WASHC2C: variants seen among roughly 807,000 people sequenced by gnomAD.
WASHC2C encodes Vaccinia Penetration Factor.
A neutral mutation model predicts 142.2 loss-of-function variants in WASHC2C; 73 were observed. The ratio of observed to expected loss-of-function variants is 0.51; its 90% CI spans 0.43 to 0.62. The LOEUF (loss-of-function observed/expected upper bound fraction) is 0.62. Among genes scored for constraint, WASHC2C ranks in the 20% least tolerant of loss-of-function variants. The pLI is 0.00. For missense variants in WASHC2C, 969 were observed against 1,531.7 expected, an observed-to-expected ratio of 0.63 and a Z score of 6.13; for synonymous variants, 337 against 565.5, an observed-to-expected ratio of 0.60 and a Z score of 5.73.
rs368876575 is a variant in WASHC2C at position 45,737,280 on chromosome 10, A to G, written c.292-703A>G. 4.7e-4 allele frequency among the ~76,000 whole-genome samples: 62 copies of G among 131,752 alleles called. 1 individual carries two copies. In the East Asian group the frequency reaches 7.9e-3, roughly 17 times the overall value. The allele number at this position is 131,752 out of a possible 152,430, so 86.4% of individuals were successfully genotyped here. A position where few individuals can be genotyped will look rare whatever the true frequency, so the allele number is the denominator to read the frequency against. ...AGGCGTGAGCCACCGCACCTGGCCT[A>G]TATTGACTTTTTATAACAAGCATGT... On this transcript the variant is annotated intron_variant, in intron 3 of 30. Transcript: ENST00000623400.
chr10:45,762,978 A>C (rs1312215246), intron 17 of WASHC2C, among the ~76,000 whole-genome samples: 1 of 151,922 alleles, frequency 6.6e-6, no homozygotes, highest in Non-Finnish European at 1.5e-5. Flanking sequence ...TTGTAGCTCC[A>C]TTAATTTGGG....
chr10:45,787,327 A>C, intron 28 of WASHC2C, 80 bp downstream of exon 28: 1 of 1,173,046 alleles, frequency 8.5e-7, no homozygotes, highest in East Asian at 2.5e-5. Flanking sequence ...TATCAGTTGC[A>C]TACACAGCAG....
rs782019101 is a variant in WASHC2C at position 45,737,989 on chromosome 10, T to C, written c.298T>C (p.Tyr100His). 14 of 1,611,610 alleles carry C rather than the reference T, an allele frequency of 8.7e-6. No homozygotes were observed. In the South Asian group the frequency reaches 1.5e-4, roughly 18 times the overall value. Residue 100 changes from tyrosine (Y) to histidine (H), a missense_variant, in exon 4 of 31, where the codon TAT becomes CAT. By Grantham distance (83) the Tyr-to-His change is moderately conservative. Coordinates refer to ENST00000623400, the MANE Select transcript of WASHC2C (RefSeq NM_001330074.2). ...SNTQFIENRV[Y>H]DEEVEEPVLK... ...AGTTTGCTTCCATATTTAGCGTGTATATGATGAAGAAGTGGAGGAGCCAGT... is the reference window on the plus strand; with the variant it reads ...AGTTTGCTTCCATATTTAGCGTGTACATGATGAAGAAGTGGAGGAGCCAGT...
intron 3 of WASHC2C, among the ~76,000 whole-genome samples, chr10:45,736,405 CAAAAAAAAAAAAAAA>C (rs71520974): frequency 1.1e-3 from 27 of 24,566 alleles, no homozygotes; most frequent in Non-Finnish European, 1.5e-3. Context: ...GACTCCATCT[CAAAAAAAAAAAAAAA>C]AAAAAAAAAA....
intron 5 of WASHC2C, among the ~76,000 whole-genome samples, chr10:45,740,774 C>T (rs2051916457): frequency 6.6e-6 from 1 of 152,208 alleles, no homozygotes; most frequent in African/African-American, 2.4e-5. Flanking sequence ...GTCCAGGCTC[C>T]CTCATAGCCT....
At position 45,754,767 on chromosome 10, in the gene WASHC2C, C is replaced by T. The variant is rs1340872025; in HGVS notation, c.1241-169C>T. Among the ~76,000 whole-genome samples the T allele has an allele frequency of 2.0e-5, 3 of 152,100 alleles. No homozygotes were observed. The East Asian group carries it at 5.8e-4, about 29-fold the overall frequency. ...TGTGTTTGAGCGACCTGGTGATTCT[C>T]CGTTGTGAGATGTTCTGTAGCAGTA... On this transcript the variant is annotated intron_variant, in intron 14 of 30. Coordinates refer to ENST00000623400, the MANE Select transcript of WASHC2C (RefSeq NM_001330074.2).
At chr10:45,748,091 A>G (rs1392504189) in intron 8 of WASHC2C, among the ~76,000 whole-genome samples, 4 of 126,128 alleles carry the variant, frequency 3.2e-5, no homozygotes, top group African/African-American at 6.3e-5. Flanking sequence ...TTAACTGGGA[A>G]ATATTTTTTT....
At chr10:45,732,956 C>G in intron 3 of WASHC2C, among the ~76,000 whole-genome samples, 1 of 152,274 alleles carries the variant, frequency 6.6e-6, no homozygotes, top group Non-Finnish European at 1.5e-5. Context: ...CCTAGACCTG[C>G]TTTATTTTAC....
chr10:45,729,097 G>A, intron 3 of WASHC2C, 71 bp downstream of exon 3: 14 of 1,448,116 alleles, frequency 9.7e-6, no homozygotes, highest in Admixed American at 2.3e-5. Flanking sequence ...ATAACTTACT[G>A]TTAGGTTCCC....
At chr10:45,727,347 C>T (rs1438246054) in intron 1 of WASHC2C, 27 bp downstream of exon 1, 73 of 1,595,734 alleles carry the variant, frequency 4.6e-5, no homozygotes, top group Non-Finnish European at 6.1e-5. Flanking sequence ...GGAGAGGGGC[C>T]GGCCTGGGCT....
chr10:45,787,665 C>G (rs2058142799), intron 28 of WASHC2C, among the ~76,000 whole-genome samples: 1 of 151,622 alleles, frequency 6.6e-6, no homozygotes, highest in African/African-American at 2.4e-5. Context: ...ATGTGTGCAG[C>G]TTCCTCACTA....
At chr10:45,788,404 T>A (rs1360323455) in intron 28 of WASHC2C, among the ~76,000 whole-genome samples, 3 of 152,240 alleles carry the variant, frequency 2.0e-5, no homozygotes, top group Non-Finnish European at 4.4e-5. Flanking sequence ...TATTGTGTCA[T>A]GTTTCTCCCC....
intron 18 of WASHC2C, among the ~76,000 whole-genome samples, chr10:45,763,953 C>T (rs1211679654): frequency 1.3e-5 from 2 of 152,168 alleles, no homozygotes; most frequent in African/African-American, 4.8e-5. Flanking sequence ...CCGCCTGCCT[C>T]GGCCTCCCTA....
At chr10:45,739,287 G>GTT (rs201280534) in intron 4 of WASHC2C, among the ~76,000 whole-genome samples, 1,810 of 129,036 alleles carry the variant, frequency 0.014, 35 homozygotes, top group African/African-American at 0.048. Flanking sequence ...TGCTCGTAGG[G>GTT]TTTTTTTTTT....
chr10:45,742,440 G>A (rs1436486447), intron 5 of WASHC2C, among the ~76,000 whole-genome samples: 2 of 151,768 alleles, frequency 1.3e-5, no homozygotes, highest in African/African-American at 2.4e-5. Flanking sequence ...TTAGTCTCCT[G>A]AGTAAATGGG....
rs549059893 is a variant in WASHC2C at position 45,728,972 on chromosome 10, G to T, written c.237G>T (p.Leu79=). The change falls in exon 3 of 31, where the codon CTG becomes CTT. Residue 79 remains leucine, a synonymous_variant. Transcript: ENST00000623400. The stretch of plus-strand genomic sequence containing the variant: ...AAACCAAAGCCACAGATTGTCGCCT[G>T]CATAATGTCTTCAATGACTTCCTTA... The part of the protein sequence containing the change: ...IRETKATDCR[L]HNVFNDFLML... 1.2e-6 allele frequency: 2 copies of T among 1,613,984 alleles called. No homozygotes were observed. The highest frequency in any genetic ancestry group is 3.3e-5 in the Admixed American group (2 of 60,016).
Position 45,789,090 on chromosome 10 carries a change from T to C in WASHC2C, c.3307T>C (p.Trp1103Arg). The part of the protein sequence containing the change: ...EEALAAAAAP[W>R]EGGPVPGVDT... ...GGCCCTGGCAGCTGCCGCTGCACCTTGGGAAGGTGGTCCTGTGCCTGGAGT... is the reference window on the plus strand; with the variant it reads ...GGCCCTGGCAGCTGCCGCTGCACCTCGGGAAGGTGGTCCTGTGCCTGGAGT... The change falls in exon 29 of 31, where the codon TGG (tryptophan) becomes CGG (arginine). Residue 1103 changes from tryptophan (W) to arginine (R), a missense_variant. Transcript: ENST00000623400. 2.5e-6 allele frequency: 4 copies of C among 1,612,012 alleles called. No homozygotes were observed. Among genetic ancestry groups the C allele is most frequent in the Non-Finnish European group, 3.4e-6 (4 of 1,179,842 alleles).
intron 13 of WASHC2C, among the ~76,000 whole-genome samples, chr10:45,753,932 G>A (rs1960116): frequency 0.067 from 9,824 of 147,404 alleles, 617 homozygotes; most frequent in African/African-American, 0.16. Flanking sequence ...TCTCCCGGGC[G>A]CAGGCATCAG....
intron 16 of WASHC2C, among the ~76,000 whole-genome samples, chr10:45,758,706 C>G (rs1257244560): frequency 6.6e-6 from 1 of 150,654 alleles, no homozygotes; most frequent in Non-Finnish European, 1.5e-5. Context: ...CTCCTGGGTT[C>G]AAGCGATTCT....
Sources: gnomAD v4.1 joint callset for allele counts (sites outside exome capture counted in the v4.1 genomes callset) on GRCh38, gnomAD v4.1.1 for gene constraint, MANE v1.5 for transcripts, NCBI Gene and HGNC (gene_info 2026-07-23, HGNC 2026-07-21) for gene names.